The following ADGRV1 variants were observed in gnomAD, a reference collection of about 807,000 sequenced individuals.
The protein encoded by ADGRV1 is adhesion G protein-coupled receptor V1.
A neutral mutation model predicts 596.2 loss-of-function variants in ADGRV1; 359 were observed. The ratio of observed to expected loss-of-function variants is 0.60; its 90% CI spans 0.55 to 0.66. The LOEUF (loss-of-function observed/expected upper bound fraction) is 0.66. ADGRV1 is among the 30% of genes least tolerant of loss of function. The pLI is 0.00. For synonymous variants in ADGRV1, 2,681 were observed against 2,679.2 expected, an observed-to-expected ratio of 1.00 and a Z score of -0.02; for missense variants, 7,274 against 7,575.6, an observed-to-expected ratio of 0.96 and a Z score of 1.48.
At chr5:90,926,275 G>C (rs1263983005) in intron 83 of ADGRV1, among the ~76,000 whole-genome samples, 1 of 151,894 alleles carries the variant, frequency 6.6e-6, no homozygotes, top group African/African-American at 2.4e-5. Context: ...ACTCTTTTTG[G>C]TTGGTAAACT....
chr5:91,162,515 A>C (rs1797041008), intron 89 of ADGRV1, among the ~76,000 whole-genome samples: 1 of 152,188 alleles, frequency 6.6e-6, no homozygotes, highest in African/African-American at 2.4e-5. Context: ...AGGATCCTGC[A>C]GGCCTTGAGA....
At chr5:90,799,935 G>T (rs1761174253) in intron 70 of ADGRV1, among the ~76,000 whole-genome samples, 1 of 152,032 alleles carries the variant, frequency 6.6e-6, no homozygotes, top group Admixed American at 6.6e-5. Context: ...ACTCAAGATG[G>T]ATTAAAGACT....
Position 90,637,830 on chromosome 5 carries a change from G to C in ADGRV1, c.2122G>C (p.Gly708Arg). ...AAAAGCAGTGACCCCGGATGATATAGGCCCCTTTAATGGCTCTGTTTTGTT... is the reference window on the plus strand; with the variant it reads ...AAAAGCAGTGACCCCGGATGATATACGCCCCTTTAATGGCTCTGTTTTGTT... ...NSKAVTPDDIGPFNGSVLFLS... is the reference protein window; with the variant it reads ...NSKAVTPDDIRPFNGSVLFLS... Residue 708 changes from glycine (G) to arginine (R), a missense_variant, in exon 11 of 90, where the codon GGC (glycine) becomes CGC (arginine). Physicochemically the swap from Gly to Arg is moderately radical, Grantham distance 125 (BLOSUM62 -2). Coordinates refer to ENST00000405460, the MANE Select transcript of ADGRV1 (RefSeq NM_032119.4). The C allele has an allele frequency of 6.2e-7, 1 of 1,613,676 alleles. No individual in the cohort carries two copies. The highest frequency in any genetic ancestry group is 8.5e-7 in the Non-Finnish European group (1 of 1,179,748).
rs1247244101 is a variant in ADGRV1, at chr5:91,157,930, G to T, written c.18802+4532G>T. 3.3e-5 allele frequency among the ~76,000 whole-genome samples: 5 copies of T among 152,120 alleles called. No homozygotes were observed. The East Asian group carries it at 7.7e-4, about 23-fold the overall frequency. On this transcript the variant is annotated intron_variant, in intron 89 of 89. Coordinates refer to ENST00000405460, the MANE Select transcript of ADGRV1 (RefSeq NM_032119.4). The stretch of plus-strand genomic sequence containing the variant: ...TTCAGGTGCTTTACATCCTGCAGAG[G>T]CACTGACCTGGAGCGATGTGCAACA...
intron 58 of ADGRV1, among the ~76,000 whole-genome samples, chr5:90,760,773 A>G (rs759115777): frequency 2.7e-5 from 4 of 150,718 alleles, no homozygotes; most frequent in Non-Finnish European, 5.9e-5. Context: ...TTCAGCCACA[A>G]AGAGAGAGAG....
chr5:90,625,131 TAG>T lies in ADGRV1; in HGVS notation c.563_564del (p.Glu188GlyfsTer7). The T allele has an allele frequency of 6.3e-7, 1 of 1,597,170 alleles. No individual in the cohort carries two copies. The highest frequency in any genetic ancestry group is 8.6e-7 in the Non-Finnish European group (1 of 1,166,184). ...ATGGCATTTTGTGTTTCTTTGCAGG[TAG>T]AGGGTGGCCCAAATCCCCCTGATGA... is the stretch of plus-strand genomic sequence containing the variant. On this transcript the variant is annotated frameshift_variant and splice_region_variant, in exon 6 of 90. Transcript: ENST00000405460. LOFTEE classifies it high-confidence loss of function.
chr5:90,789,867 T>G lies in ADGRV1; in HGVS notation c.14043+16T>G. The G allele has an allele frequency of 2.2e-6, 3 of 1,337,082 alleles. No individual in the cohort carries two copies. Among genetic ancestry groups the G allele is most frequent in the Non-Finnish European group, 2.9e-6 (3 of 1,031,448 alleles). The allele number at this position is 1,337,082 out of a possible 1,614,324, so 82.8% of individuals were successfully genotyped here. A position where few individuals can be genotyped will look rare whatever the true frequency, so the allele number is the denominator to read the frequency against. Reference sequence around the variant, plus strand: ...AGAGATTATGGTATTACTTTTCATTTGATTTTTCAAAGTACCAGTTTGCCT... The same window carrying G: ...AGAGATTATGGTATTACTTTTCATTGGATTTTTCAAAGTACCAGTTTGCCT... On this transcript the variant is annotated intron_variant, in intron 69 of 89. Transcript: ENST00000405460.
At chr5:91,041,960 G>A (rs1307655393) in intron 85 of ADGRV1, among the ~76,000 whole-genome samples, 1 of 152,170 alleles carries the variant, frequency 6.6e-6, no homozygotes, top group Non-Finnish European at 1.5e-5. Flanking sequence ...CTTAGGGGAT[G>A]TGGCTAAAAT....
chr5:90,659,458 G>C (rs1407624596), intron 21 of ADGRV1, among the ~76,000 whole-genome samples: 1 of 152,166 alleles, frequency 6.6e-6, no homozygotes, highest in African/African-American at 2.4e-5. Flanking sequence ...TCAGTAACTA[G>C]TATTTTTCAA....
At position 90,716,558 on chromosome 5, in the gene ADGRV1, C is replaced by G. The variant is rs1561583620; in HGVS notation, c.9276C>G (p.Leu3092=). The stretch of plus-strand genomic sequence containing the variant: ...TTTTCCTAAGAGAGCCAACAGCTCT[C>G]TACGTCCAGGAGAGTGTTGCAGTAT... ...EHFFLREPTA[L]YVQESVAVLY... is the part of the protein sequence containing the mutation. Residue 3092 remains leucine, a synonymous_variant, in exon 43 of 90, where the codon CTC becomes CTG. Coordinates refer to ENST00000405460, the MANE Select transcript of ADGRV1 (RefSeq NM_032119.4). 6.2e-7 allele frequency: 1 copy of G among 1,613,608 alleles called. No homozygotes were observed. The highest frequency in any genetic ancestry group is 1.1e-5 in the South Asian group (1 of 90,992).
intron 1 of ADGRV1, among the ~76,000 whole-genome samples, chr5:90,607,247 A>G (rs1215214601): frequency 6.6e-6 from 1 of 152,190 alleles, no homozygotes; most frequent in African/African-American, 2.4e-5. Context: ...AAATTTATAC[A>G]GAATAGCCAC....
At chr5:90,972,449 G>C (rs1295834536) in intron 84 of ADGRV1, among the ~76,000 whole-genome samples, 2 of 152,092 alleles carry the variant, frequency 1.3e-5, no homozygotes, top group African/African-American at 4.8e-5. Flanking sequence ...CACATAGTTG[G>C]AAGTAAAGCA....
At chr5:91,109,359 A>G (rs1792166272) in intron 87 of ADGRV1, among the ~76,000 whole-genome samples, 1 of 152,218 alleles carries the variant, frequency 6.6e-6, no homozygotes, top group South Asian at 2.1e-4. Context: ...AGTAGCTACT[A>G]TATAACATGT....
intron 77 of ADGRV1, among the ~76,000 whole-genome samples, chr5:90,839,759 C>T (rs1273264459): frequency 1.3e-5 from 2 of 152,146 alleles, no homozygotes; most frequent in Non-Finnish European, 2.9e-5. Flanking sequence ...CCGTGCATTC[C>T]CTTACCTACT....
intron 86 of ADGRV1, among the ~76,000 whole-genome samples, chr5:91,100,242 C>T (rs958126323): frequency 6.6e-6 from 1 of 152,002 alleles, no homozygotes; most frequent in Non-Finnish European, 1.5e-5. Flanking sequence ...GGCAACATGG[C>T]GAAACCCCAT....
intron 58 of ADGRV1, among the ~76,000 whole-genome samples, chr5:90,761,388 A>G (rs1756498432): frequency 6.6e-6 from 1 of 152,244 alleles, no homozygotes; most frequent in East Asian, 1.9e-4. Flanking sequence ...AAAATTACAC[A>G]TGAATATGTA....
chr5:90,756,816 A>C (rs1344652289), intron 56 of ADGRV1, 163 bp from the exon 57 acceptor site: 1 of 741,266 alleles, frequency 1.3e-6, no homozygotes, highest in African/African-American at 1.8e-5. Context: ...CTTTCATTAA[A>C]TATAAGAGTT....
At chr5:91,022,133 C>A (rs1266607397) in intron 85 of ADGRV1, among the ~76,000 whole-genome samples, 3 of 152,056 alleles carry the variant, frequency 2.0e-5, no homozygotes, top group Non-Finnish European at 4.4e-5. Context: ...TAATCACAGT[C>A]CTCCAAACAA....
intron 29 of ADGRV1, among the ~76,000 whole-genome samples, chr5:90,687,963 G>A (rs28796004): frequency 0.33 from 49,576 of 151,956 alleles, 8,485 homozygotes; most frequent in Admixed American, 0.48. Flanking sequence ...TCGTGAAAAT[G>A]GCCATACTGC....
Sources: gnomAD v4.1 joint callset for allele counts (sites outside exome capture counted in the v4.1 genomes callset) on GRCh38, gnomAD v4.1.1 for gene constraint, MANE v1.5 for transcripts, NCBI Gene and HGNC (gene_info 2026-07-23, HGNC 2026-07-21) for gene names.